The following ZNF804B variants were observed in gnomAD, a reference collection of about 807,000 sequenced individuals.
ZNF804B encodes zinc finger 804B.
A neutral mutation model predicts 101.4 loss-of-function variants in ZNF804B; 80 were observed. The ratio of observed to expected loss-of-function variants is 0.79; its 90% CI spans 0.66 to 0.95. ZNF804B has a LOEUF of 0.95. ZNF804B is among the 40% of genes least tolerant of loss of function. ZNF804B has a pLI of 0.00. For missense variants in ZNF804B, 1,673 were observed against 1,561.9 expected (o/e 1.07, Z -1.20); for synonymous variants, 622 against 558.8 (o/e 1.11, Z -1.59).
intron 1 of ZNF804B, among the ~76,000 whole-genome samples, chr7:88,854,390 T>TCTTC (rs1791497413): frequency 7.1e-6 from 1 of 140,094 alleles, no homozygotes; most frequent in Admixed American, 7.1e-5. Flanking sequence ...GTACTGCATT[T>TCTTC]CTTTCTTTCT....
intron 1 of ZNF804B, among the ~76,000 whole-genome samples, chr7:89,064,585 C>T (rs371273771): frequency 1.3e-5 from 2 of 152,104 alleles, no homozygotes; most frequent in African/African-American, 4.8e-5. Context: ...TCTGGTCATA[C>T]AACCATGGAA....
chr7:88,776,105 G>A (rs1219447954), intron 1 of ZNF804B, among the ~76,000 whole-genome samples: 1 of 152,176 alleles, frequency 6.6e-6, no homozygotes, highest in Non-Finnish European at 1.5e-5. Context: ...GGTGTTACTT[G>A]TCTTATAGGG....
chr7:89,122,567 C>T (rs1790422765), intron 1 of ZNF804B, among the ~76,000 whole-genome samples: 1 of 152,166 alleles, frequency 6.6e-6, no homozygotes, highest in East Asian at 1.9e-4. Flanking sequence ...TTCCCACCAC[C>T]TTGTCCTGCG....
chr7:88,903,035 T>A (rs1305809793), intron 1 of ZNF804B, among the ~76,000 whole-genome samples: 1 of 152,104 alleles, frequency 6.6e-6, no homozygotes, highest in Non-Finnish European at 1.5e-5. Flanking sequence ...AAGGTATGGA[T>A]CCTGTCAAAC....
intron 1 of ZNF804B, among the ~76,000 whole-genome samples, chr7:88,917,031 G>A (rs1009821126): frequency 7.9e-5 from 12 of 152,036 alleles, no homozygotes; most frequent in Non-Finnish European, 1.0e-4. Context: ...TTGGGAGGCC[G>A]AAGCAGGTGG....
chr7:89,123,754 C>A (rs1406794735), intron 1 of ZNF804B, among the ~76,000 whole-genome samples: 1 of 151,872 alleles, frequency 6.6e-6, no homozygotes, highest in Non-Finnish European at 1.5e-5. Flanking sequence ...GGTGAGGAAA[C>A]TGAGACAGAG....
intron 1 of ZNF804B, among the ~76,000 whole-genome samples, chr7:88,947,477 G>A (rs772731735): frequency 6.6e-6 from 1 of 151,638 alleles, no homozygotes; most frequent in Non-Finnish European, 1.5e-5. Flanking sequence ...AGAACACGTG[G>A]ACACAGGGAG....
At chr7:88,877,044 TA>T (rs1256313051) in intron 1 of ZNF804B, among the ~76,000 whole-genome samples, 723 of 51,398 alleles carry the variant, frequency 0.014, 21 homozygotes, top group East Asian at 0.045. Context: ...TATATATATA[TA>T]TATATTTTTT....
At chr7:88,991,626 C>T (rs1793847847) in intron 1 of ZNF804B, among the ~76,000 whole-genome samples, 1 of 152,164 alleles carries the variant, frequency 6.6e-6, no homozygotes, top group African/African-American at 2.4e-5. Context: ...CTACTCTCTG[C>T]CTGTGGGGTA....
intron 1 of ZNF804B, among the ~76,000 whole-genome samples, chr7:88,864,665 G>A (rs549982359): frequency 1.3e-5 from 2 of 152,070 alleles, no homozygotes; most frequent in African/African-American, 2.4e-5. Context: ...CTGGCCCCAC[G>A]GGTACCCTAT....
chr7:89,186,122 T>C (rs1303284469), intron 1 of ZNF804B, among the ~76,000 whole-genome samples: 1 of 152,062 alleles, frequency 6.6e-6, no homozygotes, highest in Non-Finnish European at 1.5e-5. Flanking sequence ...ATGTACATAT[T>C]ATCAATTTTA....
intron 1 of ZNF804B, among the ~76,000 whole-genome samples, chr7:89,028,096 A>T (rs538633388): frequency 3.9e-5 from 6 of 152,288 alleles, no homozygotes; most frequent in Non-Finnish European, 8.8e-5. Flanking sequence ...GTGACCTTTG[A>T]AACATTTGAG....
At chr7:88,874,422 A>G (rs1583990117) in intron 1 of ZNF804B, among the ~76,000 whole-genome samples, 3 of 151,826 alleles carry the variant, frequency 2.0e-5, no homozygotes, top group Admixed American at 6.6e-5. Flanking sequence ...GCAAACAGGG[A>G]CAATTTGACT....
intron 1 of ZNF804B, among the ~76,000 whole-genome samples, chr7:88,765,129 T>C (rs1333411105): frequency 6.6e-6 from 1 of 152,146 alleles, no homozygotes; most frequent in Non-Finnish European, 1.5e-5. Context: ...AAGACTTAAA[T>C]AGGTATTTGA....
chr7:88,854,414 C>CTTCCTTCCTTT (rs1791502231), intron 1 of ZNF804B, among the ~76,000 whole-genome samples: 2 of 57,076 alleles, frequency 3.5e-5, no homozygotes, highest in African/African-American at 1.3e-4. Flanking sequence ...TTTCTTTCTT[C>CTTCCTTCCTTT]CTTTCTTTCT....
chr7:88,768,597 A>G (rs1790018618), intron 1 of ZNF804B, among the ~76,000 whole-genome samples: 1 of 152,172 alleles, frequency 6.6e-6, no homozygotes, highest in South Asian at 2.1e-4. Context: ...ACGAGCCTGT[A>G]ATTCCAGCTA....
chr7:89,080,066 GT>G (rs539506581), intron 1 of ZNF804B, among the ~76,000 whole-genome samples: 8 of 151,824 alleles, frequency 5.3e-5, no homozygotes, highest in African/African-American at 1.7e-4. Context: ...TGAAAATAGA[GT>G]GAAGGTAGGC....
intron 1 of ZNF804B, among the ~76,000 whole-genome samples, chr7:88,887,873 T>A (rs931508656): frequency 5.9e-5 from 9 of 152,126 alleles, no homozygotes; most frequent in Admixed American, 2.0e-4. Context: ...TATTAAGTTT[T>A]ACATTTGCTT....
chr7:88,926,568 A>G (rs930889201), intron 1 of ZNF804B, among the ~76,000 whole-genome samples: 1 of 152,120 alleles, frequency 6.6e-6, no homozygotes, highest in African/African-American at 2.4e-5. Context: ...AGATCACGCC[A>G]TAGCACTCCA....
Sources: gnomAD v4.1 joint callset for allele counts (sites outside exome capture counted in the v4.1 genomes callset) on GRCh38, gnomAD v4.1.1 for gene constraint, MANE v1.5 for transcripts, NCBI Gene and HGNC (gene_info 2026-07-23, HGNC 2026-07-21) for gene names.